Variants in PACRG observed in about 807,000 individuals in gnomAD.
PACRG encodes the protein parkin coregulated.
Under a neutral mutation model 29.7 loss-of-function variants are expected in PACRG, and 29 were observed. The observed-to-expected ratio is 0.98, with a 90% CI of 0.73 to 1.33. The LOEUF (loss-of-function observed/expected upper bound fraction) is 1.33. PACRG is among the 40% of genes most tolerant of loss of function. The probability of loss-of-function intolerance (pLI) is 0.00; values close to 1 mark genes in which losing one functional copy is unlikely to be tolerated. For missense variants in PACRG, 279 were observed against 316.2 expected (o/e 0.88, Z 0.89); for synonymous variants, 116 against 118.7 (o/e 0.98, Z 0.15).
chr6:162,969,545 A>G (rs1169599665), intron 2 of PACRG, among the ~76,000 whole-genome samples: 1 of 151,838 alleles, frequency 6.6e-6, no homozygotes, highest in Non-Finnish European at 1.5e-5. Flanking sequence ...AGATTGTATC[A>G]CTCCACTGCA....
At chr6:162,948,163 AC>A in intron 2 of PACRG, among the ~76,000 whole-genome samples, 1 of 152,312 alleles carries the variant, frequency 6.6e-6, no homozygotes, top group Non-Finnish European at 1.5e-5. Context: ...AGCTTTAGTA[AC>A]CAGAACAGGA....
At chr6:163,267,907 A>G (rs1457376236) in intron 4 of PACRG, among the ~76,000 whole-genome samples, 1 of 152,238 alleles carries the variant, frequency 6.6e-6, no homozygotes. Context: ...AAACAAAGTA[A>G]CACCCAAATG....
intron 2 of PACRG, among the ~76,000 whole-genome samples, chr6:162,867,487 G>T (rs192534529): frequency 1.4e-4 from 21 of 151,962 alleles, no homozygotes; most frequent in African/African-American, 4.8e-4. Context: ...TCTCCTCCAG[G>T]GTCCCTACCT....
At chr6:163,146,272 G>T (rs894262525) in intron 4 of PACRG, among the ~76,000 whole-genome samples, 2 of 152,158 alleles carry the variant, frequency 1.3e-5, no homozygotes, top group Non-Finnish European at 2.9e-5. Context: ...ACCACAGCAA[G>T]CAGTTACCAA....
At chr6:162,959,292 G>A (rs1241578512) in intron 2 of PACRG, among the ~76,000 whole-genome samples, 1 of 152,072 alleles carries the variant, frequency 6.6e-6, no homozygotes, top group African/African-American at 2.4e-5. Flanking sequence ...GGGGGATAAG[G>A]AGTAGGGCCG....
intron 2 of PACRG, among the ~76,000 whole-genome samples, chr6:162,851,205 CA>C (rs1444025751): frequency 4.6e-5 from 7 of 152,206 alleles, no homozygotes; most frequent in Admixed American, 1.3e-4. Flanking sequence ...TTGTGATTCA[CA>C]GGGAGGTCCA....
At chr6:162,816,587 C>G (rs574838853) in intron 2 of PACRG, among the ~76,000 whole-genome samples, 1 of 152,128 alleles carries the variant, frequency 6.6e-6, no homozygotes, top group African/African-American at 2.4e-5. Context: ...CTCCTGACCT[C>G]GTGATCCGCC....
chr6:163,162,034 A>G (rs538085049), intron 4 of PACRG, among the ~76,000 whole-genome samples: 4 of 152,326 alleles, frequency 2.6e-5, no homozygotes. Context: ...GCTCATTAGA[A>G]GACACACAGA....
chr6:163,167,403 G>T (rs1042562672), intron 4 of PACRG, among the ~76,000 whole-genome samples: 2 of 152,132 alleles, frequency 1.3e-5, no homozygotes, highest in Non-Finnish European at 2.9e-5. Flanking sequence ...AAGTAACCCT[G>T]ATCTATGCTA....
chr6:162,951,486 A>C (rs1449114953), intron 2 of PACRG, among the ~76,000 whole-genome samples: 2 of 152,200 alleles, frequency 1.3e-5, no homozygotes, highest in Admixed American at 6.5e-5. Flanking sequence ...AGGGATTCTC[A>C]GCCACAGTCT....
intron 2 of PACRG, among the ~76,000 whole-genome samples, chr6:163,008,474 C>A (rs1805328349): frequency 6.6e-6 from 1 of 151,716 alleles, no homozygotes; most frequent in Non-Finnish European, 1.5e-5. Context: ...AAAAGAGGGT[C>A]ATCTATAACA....
At chr6:163,086,316 C>T (rs1813553964) in intron 3 of PACRG, among the ~76,000 whole-genome samples, 1 of 152,124 alleles carries the variant, frequency 6.6e-6, no homozygotes, top group Non-Finnish European at 1.5e-5. Flanking sequence ...CTCACCTTCT[C>T]ATGGTGATCT....
At chr6:162,810,838 A>G (rs1287517142) in intron 1 of PACRG, among the ~76,000 whole-genome samples, 1 of 152,196 alleles carries the variant, frequency 6.6e-6, no homozygotes, top group Non-Finnish European at 1.5e-5. Context: ...TGGAGTCTAC[A>G]AGGAAAGGAA....
rs148528458 is a variant in PACRG, at chr6:162,760,724, G to A, written c.156+32333G>A. On this transcript the variant is annotated intron_variant, in intron 1 of 4. Coordinates refer to ENST00000366888, the MANE Select transcript of PACRG (RefSeq NM_001080379.2). ...GTGAGGCTGTAGAGGTCTTGGGAAG[G>A]CCTTTGGCTTTTACCTCTTTTTCCC... 3.5e-3 allele frequency among the ~76,000 whole-genome samples: 538 copies of A among 152,212 alleles called. 3 individuals carry two copies. The highest frequency in any genetic ancestry group is 0.012 in the African/African-American group (504 of 41,514).
At chr6:162,735,348 C>T (rs1470648501) in intron 1 of PACRG, among the ~76,000 whole-genome samples, 1 of 152,140 alleles carries the variant, frequency 6.6e-6, no homozygotes, top group East Asian at 1.9e-4. Context: ...CAAATTTAAA[C>T]TCTTTCCAGT....
At chr6:163,076,504 T>G (rs1812556069) in intron 3 of PACRG, among the ~76,000 whole-genome samples, 1 of 152,196 alleles carries the variant, frequency 6.6e-6, no homozygotes, top group Non-Finnish European at 1.5e-5. Flanking sequence ...CCTTATCAGG[T>G]GCATTTCCAG....
chr6:162,790,126 A>G (rs1784820379), intron 1 of PACRG, among the ~76,000 whole-genome samples: 1 of 152,254 alleles, frequency 6.6e-6, no homozygotes, highest in African/African-American at 2.4e-5. Flanking sequence ...GTGTTTTAAA[A>G]TGTAAACACT....
intron 3 of PACRG, among the ~76,000 whole-genome samples, chr6:163,069,285 CAAAAA>C (rs11354740): frequency 2.1e-5 from 2 of 94,386 alleles, no homozygotes; most frequent in Admixed American, 1.1e-4. Context: ...ATGAACTCAC[CAAAAA>C]AAAAAAAAAA....
At chr6:162,902,695 A>G (rs948606633) in intron 2 of PACRG, among the ~76,000 whole-genome samples, 104 of 152,344 alleles carry the variant, frequency 6.8e-4, no homozygotes, top group African/African-American at 2.4e-3. Context: ...AATTGTTAAC[A>G]ATAAAGGTAA....
Sources: gnomAD v4.1 joint callset for allele counts (sites outside exome capture counted in the v4.1 genomes callset) on GRCh38, gnomAD v4.1.1 for gene constraint, MANE v1.5 for transcripts, NCBI Gene and HGNC (gene_info 2026-07-23, HGNC 2026-07-21) for gene names.